Variants in LSAMP observed in about 807,000 individuals in gnomAD.
LSAMP encodes limbic system-associated membrane protein.
Under a neutral mutation model 38.6 loss-of-function variants are expected in LSAMP, and 7 were observed. The ratio of observed to expected loss-of-function variants is 0.18; its 90% CI spans 0.10 to 0.34. LSAMP has a LOEUF of 0.34. Among genes scored for constraint, LSAMP ranks in the 10% least tolerant of loss-of-function variants. The pLI, the probability that LSAMP is intolerant of heterozygous loss-of-function variation, is 1.00. For missense variants in LSAMP, 313 were observed against 420.0 expected (o/e 0.75, Z 2.23); for synonymous variants, 154 against 166.8 (o/e 0.92, Z 0.59).
chr3:116,440,270 A>G (rs1319149689), intron 1 of LSAMP, among the ~76,000 whole-genome samples: 4 of 152,178 alleles, frequency 2.6e-5, no homozygotes, highest in East Asian at 1.9e-4. Flanking sequence ...GCAACCTCCT[A>G]TCAGGGGAGT....
intron 1 of LSAMP, among the ~76,000 whole-genome samples, chr3:116,275,896 C>G (rs981911622): frequency 6.6e-6 from 1 of 152,074 alleles, no homozygotes; most frequent in Admixed American, 6.5e-5. Flanking sequence ...TGAATAAAAC[C>G]AAATCAGGGG....
chr3:116,228,930 A>G (rs1272602399), intron 1 of LSAMP, among the ~76,000 whole-genome samples: 1 of 152,130 alleles, frequency 6.6e-6, no homozygotes, highest in Non-Finnish European at 1.5e-5. Context: ...GGAAAATATC[A>G]GTTCTATCAC....
At chr3:115,919,145 T>C (rs1408052314) in intron 3 of LSAMP, among the ~76,000 whole-genome samples, 2 of 152,166 alleles carry the variant, frequency 1.3e-5, no homozygotes, top group Non-Finnish European at 2.9e-5. Context: ...TCACCCCCAC[T>C]GTCCTGCCGG....
intron 2 of LSAMP, among the ~76,000 whole-genome samples, chr3:116,070,298 T>C (rs1707569580): frequency 6.6e-6 from 1 of 152,184 alleles, no homozygotes; most frequent in South Asian, 2.1e-4. Context: ...TCAACTGAGA[T>C]TAGCAGGACT....
At chr3:116,003,234 T>C (rs1248115917) in intron 3 of LSAMP, among the ~76,000 whole-genome samples, 1 of 152,202 alleles carries the variant, frequency 6.6e-6, no homozygotes, top group Non-Finnish European at 1.5e-5. Context: ...AGCTCAAATG[T>C]AGGTTAGCCT....
intron 1 of LSAMP, among the ~76,000 whole-genome samples, chr3:116,402,343 T>C (rs1479738201): frequency 6.6e-6 from 1 of 152,214 alleles, no homozygotes; most frequent in Non-Finnish European, 1.5e-5. Context: ...AACTGTTATC[T>C]TGTGAAACTG....
rs55828725 is a variant in LSAMP at position 115,818,822 on chromosome 3, A to ATATATATATATATATATATATATAT, written c.920-8409_920-8408insATATATATATATATATATATATATA. Among the ~76,000 whole-genome samples the ATATATATATATATATATATATATAT allele has an allele frequency of 2.9e-3, 368 of 124,974 alleles. 2 individuals are homozygous for ATATATATATATATATATATATATAT. The highest frequency in any genetic ancestry group is 4.3e-3 in the Non-Finnish European group (249 of 58,574). 82.0% of individuals were successfully genotyped at this position (124,974 alleles called of 152,430 possible). On this transcript the variant is annotated intron_variant, in intron 6 of 6. Transcript: ENST00000490035. ...TATATATATATATATATATATATAT[A>ATATATATATATATATATATATATAT]ACTGCAGCAACATGATGAACAAACA...
At chr3:116,342,296 G>A (rs2048006660) in intron 1 of LSAMP, among the ~76,000 whole-genome samples, 1 of 151,950 alleles carries the variant, frequency 6.6e-6, no homozygotes, top group African/African-American at 2.4e-5. Flanking sequence ...CCACTCTTTA[G>A]ACTAAATTGA....
chr3:116,074,153 T>G (rs1358408882), intron 2 of LSAMP, among the ~76,000 whole-genome samples: 1 of 152,230 alleles, frequency 6.6e-6, no homozygotes, highest in Non-Finnish European at 1.5e-5. Context: ...TTAAAAATTC[T>G]AATTCTAAGG....
chr3:115,941,001 A>G (rs972035266), intron 3 of LSAMP, among the ~76,000 whole-genome samples: 6 of 152,182 alleles, frequency 3.9e-5, no homozygotes, highest in Admixed American at 3.9e-4. Context: ...GGCAACCTAC[A>G]GAATGAGAGA....
At chr3:115,929,278 G>C (rs1349713468) in intron 3 of LSAMP, among the ~76,000 whole-genome samples, 2 of 152,094 alleles carry the variant, frequency 1.3e-5, no homozygotes, top group African/African-American at 4.8e-5. Context: ...ATCCTAAAGA[G>C]CCAGGAGCAG....
intron 1 of LSAMP, among the ~76,000 whole-genome samples, chr3:116,120,615 T>A (rs1346839096): frequency 6.6e-6 from 1 of 152,062 alleles, no homozygotes; most frequent in African/African-American, 2.4e-5. Context: ...AGAGCAAAAA[T>A]CACATAAGGC....
At chr3:116,017,022 G>A (rs1198373793) in intron 3 of LSAMP, among the ~76,000 whole-genome samples, 9 of 152,078 alleles carry the variant, frequency 5.9e-5, no homozygotes, top group African/African-American at 1.4e-4. Context: ...TATTCTTGAA[G>A]ACATGGCTTG....
intron 3 of LSAMP, among the ~76,000 whole-genome samples, chr3:115,918,437 A>C (rs1392617979): frequency 6.6e-6 from 1 of 152,206 alleles, no homozygotes; most frequent in African/African-American, 2.4e-5. Context: ...AAATCATGAT[A>C]ACCTCTTAGA....
At chr3:115,985,032 A>G (rs1939470003) in intron 3 of LSAMP, among the ~76,000 whole-genome samples, 1 of 152,210 alleles carries the variant, frequency 6.6e-6, no homozygotes, top group Admixed American at 6.5e-5. Context: ...AGAAGCAATA[A>G]TAAGATAAAC....
chr3:116,051,942 T>C (rs567496136), intron 2 of LSAMP, among the ~76,000 whole-genome samples: 9 of 152,234 alleles, frequency 5.9e-5, no homozygotes, highest in Non-Finnish European at 1.2e-4. Context: ...AACTTCTTTG[T>C]ATCCTGTATT....
chr3:116,065,394 TA>T (rs1204335050), intron 2 of LSAMP, among the ~76,000 whole-genome samples: 1 of 152,234 alleles, frequency 6.6e-6, no homozygotes, highest in Non-Finnish European at 1.5e-5. Context: ...TTTTAGTTTT[TA>T]TATTTGGTTG....
chr3:116,334,974 A>G (rs1167260641), intron 1 of LSAMP, among the ~76,000 whole-genome samples: 1 of 152,084 alleles, frequency 6.6e-6, no homozygotes, highest in Non-Finnish European at 1.5e-5. Context: ...TTTTATATAT[A>G]GAAAATCTTA....
intron 3 of LSAMP, among the ~76,000 whole-genome samples, chr3:116,002,340 AG>A (rs1559915450): frequency 6.6e-6 from 1 of 152,228 alleles, no homozygotes; most frequent in Admixed American, 6.5e-5. Context: ...GGAAAAAAAA[AG>A]ATGAAGAATA....
Sources: gnomAD v4.1 joint callset for allele counts (sites outside exome capture counted in the v4.1 genomes callset) on GRCh38, gnomAD v4.1.1 for gene constraint, MANE v1.5 for transcripts, NCBI Gene and HGNC (gene_info 2026-07-23, HGNC 2026-07-21) for gene names.